Variants in NR2C2 observed in about 807,000 individuals in gnomAD.
NR2C2 encodes the protein nuclear receptor subfamily 2 group C member 2.
In NR2C2, 6 loss-of-function variants were observed where a neutral mutation model predicts 62.9. The ratio of observed to expected loss-of-function variants is 0.10; its 90% confidence interval spans 0.05 to 0.19. The LOEUF is 0.19. Among genes scored for constraint, NR2C2 ranks in the 10% least tolerant of loss-of-function variants. NR2C2 has a pLI of 1.00. For synonymous variants in NR2C2, 272 were observed against 273.8 expected, an observed-to-expected ratio of 0.99 and a Z score of 0.07; for missense variants, 479 against 762.7, an observed-to-expected ratio of 0.63 and a Z score of 4.38.
chr3:14,969,351 T>G (rs1241889030), intron 1 of NR2C2, among the ~76,000 whole-genome samples: 4 of 151,678 alleles, frequency 2.6e-5, no homozygotes, highest in Admixed American at 6.6e-5. Flanking sequence ...CAAGCAATTT[T>G]CCCGCCTTAG....
Position 15,043,965 on chromosome 3 carries a change from C to T in NR2C2, c.*957C>T, listed in dbSNP as rs1445534030. 1.3e-5 allele frequency: 2 copies of T among 152,216 alleles called. No homozygotes were observed. Among genetic ancestry groups the T allele is most frequent in the Non-Finnish European group, 2.9e-5 (2 of 68,052 alleles). The allele number at this position is 152,216 out of a possible 1,614,324, so 9.4% of individuals were successfully genotyped here. A position where few individuals can be genotyped will look rare whatever the true frequency, so the allele number is the denominator to read the frequency against. ...AAAAGTGCAAGGTGGGCATTTTGAG[C>T]TCTTGACAGTACTTCCAATACAATT... On this transcript the variant is annotated 3_prime_UTR_variant, in exon 14 of 14. Coordinates refer to ENST00000425241, the MANE Select transcript of NR2C2 (RefSeq NM_001291694.2).
intron 1 of NR2C2, among the ~76,000 whole-genome samples, chr3:14,986,302 T>G (rs750773273): frequency 1.3e-5 from 2 of 152,168 alleles, no homozygotes; most frequent in Non-Finnish European, 2.9e-5. Flanking sequence ...AAAGATGATA[T>G]GACAAGTCAC....
At chr3:14,952,358 C>T (rs1177894768) in intron 1 of NR2C2, among the ~76,000 whole-genome samples, 3 of 152,202 alleles carry the variant, frequency 2.0e-5, no homozygotes, top group African/African-American at 4.8e-5. Flanking sequence ...CTCCACATAT[C>T]GAGGGCCCTC....
intron 1 of NR2C2, among the ~76,000 whole-genome samples, chr3:14,982,621 T>C (rs2040405648): frequency 6.6e-6 from 1 of 152,232 alleles, no homozygotes; most frequent in Non-Finnish European, 1.5e-5. Flanking sequence ...CTCTCACTGG[T>C]ATATAGAAAT....
intron 1 of NR2C2, among the ~76,000 whole-genome samples, chr3:14,991,971 A>G (rs114237600): frequency 0.016 from 2,432 of 151,860 alleles, 73 homozygotes; most frequent in African/African-American, 0.054. Flanking sequence ...GGGTCTTGCA[A>G]TGCTGTCCAG....
At chr3:15,005,393 T>A (rs971457389) in intron 2 of NR2C2, among the ~76,000 whole-genome samples, 14 of 126,126 alleles carry the variant, frequency 1.1e-4, no homozygotes, top group African/African-American at 1.8e-4. Flanking sequence ...TTTTTTTTTT[T>A]ATAAATAGGG....
At chr3:14,963,763 A>C (rs1054653353) in intron 1 of NR2C2, among the ~76,000 whole-genome samples, 22 of 152,164 alleles carry the variant, frequency 1.4e-4, no homozygotes, top group African/African-American at 5.1e-4. Flanking sequence ...TCATATATCT[A>C]GGGCAAAGAC....
chr3:15,011,751 C>T (rs1054420718), intron 2 of NR2C2, among the ~76,000 whole-genome samples: 8 of 152,214 alleles, frequency 5.3e-5, no homozygotes, highest in Non-Finnish European at 2.9e-5. Flanking sequence ...TCTGCTGCCT[C>T]TCTGGTCTTG....
intron 13 of NR2C2, 35 bp from the exon 14 acceptor site, chr3:15,042,799 A>C: frequency 1.9e-6 from 3 of 1,598,142 alleles, no homozygotes; most frequent in Non-Finnish European, 2.6e-6. Context: ...AGGGCATCAA[A>C]CAGTCTCCTT....
chr3:14,999,441 T>G (rs1272896594), intron 1 of NR2C2, among the ~76,000 whole-genome samples: 1 of 152,126 alleles, frequency 6.6e-6, no homozygotes, highest in African/African-American at 2.4e-5. Context: ...CAGTGAACCA[T>G]AATTGTGCTA....
chr3:14,983,490 C>CACACACACACAT (rs1553639698), intron 1 of NR2C2, among the ~76,000 whole-genome samples: 2 of 151,322 alleles, frequency 1.3e-5, no homozygotes, highest in Non-Finnish European at 2.9e-5. Flanking sequence ...CACACACACA[C>CACACACACACAT]ACACATTCTT....
chr3:15,001,827 G>A (rs980757335), intron 1 of NR2C2, among the ~76,000 whole-genome samples: 5 of 151,508 alleles, frequency 3.3e-5, no homozygotes, highest in East Asian at 1.9e-4. Flanking sequence ...TTTGTTGTCC[G>A]GACTGGTCTT....
At chr3:14,948,647 T>A (rs549385642) in intron 1 of NR2C2, 1 of 153,240 alleles carries the variant, frequency 6.5e-6, no homozygotes, top group African/African-American at 2.4e-5. Context: ...GGCCGGCGCC[T>A]GGTCTTGGGT....
intron 3 of NR2C2, 105 bp downstream of exon 3, chr3:15,013,894 C>A: frequency 8.5e-7 from 1 of 1,179,022 alleles, no homozygotes; most frequent in Non-Finnish European, 1.2e-6. Flanking sequence ...CTGGAAGGTT[C>A]CTTGGGGACC....
At chr3:15,034,288 C>T (rs1347211030) in intron 10 of NR2C2, 1 of 161,370 alleles carries the variant, frequency 6.2e-6, no homozygotes, top group Non-Finnish European at 1.3e-5. Context: ...TCATCTCCGT[C>T]TTTTGGTCCC....
intron 13 of NR2C2, among the ~76,000 whole-genome samples, chr3:15,040,651 G>A (rs2042233877): frequency 6.6e-6 from 1 of 152,186 alleles, no homozygotes; most frequent in Non-Finnish European, 1.5e-5. Flanking sequence ...TGGTCCTGCT[G>A]GTAGACAAGA....
Position 15,044,032 on chromosome 3 carries a change from T to TG in NR2C2, c.*1026dup, listed in dbSNP as rs2042363645. ...TTGTCCAGATGGAGGAGTGTGGCCT[T>TG]GGAGTGTGAGCGTTACCTTCCCAGG... On this transcript the variant is annotated 3_prime_UTR_variant, in exon 14 of 14. Coordinates refer to ENST00000425241, the MANE Select transcript of NR2C2 (RefSeq NM_001291694.2). 1.3e-5 allele frequency: 2 copies of TG among 152,176 alleles called. No homozygotes were observed. Among genetic ancestry groups the TG allele is most frequent in the Admixed American group, 1.3e-4 (2 of 15,266 alleles). 9.4% of individuals were successfully genotyped at this position (152,176 alleles called of 1,614,324 possible).
intron 8 of NR2C2, 49 bp downstream of exon 8, chr3:15,028,768 C>A: frequency 6.3e-7 from 1 of 1,591,744 alleles, no homozygotes; most frequent in South Asian, 1.1e-5. Flanking sequence ...GGACACCCTC[C>A]CTCTATTGTG....
intron 13 of NR2C2, among the ~76,000 whole-genome samples, chr3:15,042,246 T>A (rs916019673): frequency 1.3e-5 from 2 of 152,100 alleles, no homozygotes; most frequent in East Asian, 3.9e-4. Context: ...TTCTTCAAAA[T>A]GAAAGCTATT....
Sources: allele counts gnomAD v4.1 joint callset (sites outside exome capture counted in the v4.1 genomes callset), GRCh38; gene constraint gnomAD v4.1.1; transcripts MANE v1.5; gene names NCBI Gene and HGNC (gene_info 2026-07-23, HGNC 2026-07-21).